The following REC114 variants were observed in gnomAD, a reference collection of about 807,000 sequenced individuals.
REC114 encodes REC114 meiotic recombination protein, also known as meiotic recombination protein REC114.
Under a neutral mutation model 31.3 loss-of-function variants are expected in REC114, and 27 were observed. That is an observed-to-expected ratio of 0.86 (90% confidence interval 0.64 to 1.19). The LOEUF is 1.19. Ranked by LOEUF, REC114 falls within the 50% of genes most tolerant of loss-of-function variation. The probability of loss-of-function intolerance (pLI) is 0.00; values close to 1 mark genes in which losing one functional copy is unlikely to be tolerated. For synonymous variants in REC114, 134 were observed against 127.7 expected, an observed-to-expected ratio of 1.05 and a Z score of -0.33; for missense variants, 344 against 326.9, an observed-to-expected ratio of 1.05 and a Z score of -0.40.
chr15:73,465,650 T>G (rs996367760), intron 1 of REC114, among the ~76,000 whole-genome samples: 1 of 152,206 alleles, frequency 6.6e-6, no homozygotes, highest in African/African-American at 2.4e-5. Flanking sequence ...GAATGAATAT[T>G]TTTTTAACAT....
intron 1 of REC114, among the ~76,000 whole-genome samples, chr15:73,460,610 A>G (rs1892977401): frequency 6.6e-6 from 1 of 152,216 alleles, no homozygotes; most frequent in Non-Finnish European, 1.5e-5. Flanking sequence ...CTATGAAGAT[A>G]CCAAAGGTGA....
At chr15:73,536,272 G>C (rs917875855) in intron 2 of REC114, among the ~76,000 whole-genome samples, 1 of 152,172 alleles carries the variant, frequency 6.6e-6, no homozygotes, top group African/African-American at 2.4e-5. Context: ...ACTTTCCTGG[G>C]TTATGACAGA....
intron 2 of REC114, among the ~76,000 whole-genome samples, chr15:73,495,603 A>G (rs75703363): frequency 0.027 from 4,136 of 151,814 alleles, 80 homozygotes; most frequent in Non-Finnish European, 0.043. Flanking sequence ...ATCAAATTAC[A>G]GGCATAAGAA....
At chr15:73,517,674 G>A (rs1326052701) in intron 2 of REC114, among the ~76,000 whole-genome samples, 1 of 152,178 alleles carries the variant, frequency 6.6e-6, no homozygotes, top group Admixed American at 6.5e-5. Flanking sequence ...CAGACAGTTT[G>A]AATTGGAGGT....
intron 2 of REC114, among the ~76,000 whole-genome samples, chr15:73,488,458 A>G (rs1431470466): frequency 2.6e-5 from 4 of 152,126 alleles, no homozygotes; most frequent in Admixed American, 2.0e-4. Flanking sequence ...CTCTTCTTGC[A>G]GTTTATTATA....
chr15:73,453,445 T>C (rs955708681), intron 1 of REC114, among the ~76,000 whole-genome samples: 9 of 152,168 alleles, frequency 5.9e-5, no homozygotes, highest in South Asian at 2.1e-4. Context: ...GTTAGAATGA[T>C]GATCATTAAA....
intron 2 of REC114, among the ~76,000 whole-genome samples, chr15:73,538,623 A>AT (rs1350372176): frequency 1.3e-5 from 2 of 151,538 alleles, no homozygotes; most frequent in South Asian, 2.1e-4. Context: ...CACCCAGCTA[A>AT]TTTTTTGTAT....
intron 2 of REC114, among the ~76,000 whole-genome samples, chr15:73,508,034 G>C (rs988777685): frequency 6.6e-6 from 1 of 152,176 alleles, no homozygotes; most frequent in African/African-American, 2.4e-5. Context: ...TGTATTTGCT[G>C]TGTTGTGGCA....
chr15:73,474,649 T>C (rs1349144035), intron 2 of REC114, among the ~76,000 whole-genome samples: 1 of 152,222 alleles, frequency 6.6e-6, no homozygotes, highest in Non-Finnish European at 1.5e-5. Flanking sequence ...ATTGAGTAAT[T>C]GTATATGCTA....
rs182629955 is a variant in REC114 at position 73,524,741 on chromosome 15, G to T, written c.250-15744G>T. Among the ~76,000 whole-genome samples the T allele has an allele frequency of 4.9e-4, 75 of 152,176 alleles. 1 individual carries two copies. The East Asian group carries it at 0.014, about 28-fold the overall frequency. On this transcript the variant is annotated intron_variant, in intron 2 of 5. Coordinates refer to ENST00000331090, the MANE Select transcript of REC114 (RefSeq NM_001042367.2). ...GCCTCCTGAGTAGCTGGGACTACAGGCACCCACCACCATGCTAGGCTAATT... is the reference window on the plus strand; with the variant it reads ...GCCTCCTGAGTAGCTGGGACTACAGTCACCCACCACCATGCTAGGCTAATT...
intron 1 of REC114, 67 bp downstream of exon 1, chr15:73,443,411 A>G: frequency 6.8e-7 from 1 of 1,469,258 alleles, no homozygotes; most frequent in South Asian, 1.4e-5. Flanking sequence ...CTCCGCGAAT[A>G]CACTGGGCCA....
At chr15:73,526,256 T>C (rs1894005880) in intron 2 of REC114, among the ~76,000 whole-genome samples, 1 of 152,232 alleles carries the variant, frequency 6.6e-6, no homozygotes, top group African/African-American at 2.4e-5. Context: ...CTGATCTTGC[T>C]TTTAAAATCT....
Position 73,536,391 on chromosome 15 carries a change from C to T in REC114, c.250-4094C>T, listed in dbSNP as rs144956733. ...CTCCCTTGGTGATTTTGACACATTT[C>T]CCCCTCCTCTTGGACAGATTCTGTG... On this transcript the variant is annotated intron_variant, in intron 2 of 5. Transcript: ENST00000331090. Among the ~76,000 whole-genome samples the T allele has an allele frequency of 1.4e-3, 214 of 152,272 alleles. 7 individuals are homozygous for T. The East Asian group carries it at 0.037, about 26-fold the overall frequency.
chr15:73,452,920 G>A (rs1362858882), intron 1 of REC114, among the ~76,000 whole-genome samples: 1 of 152,178 alleles, frequency 6.6e-6, no homozygotes, highest in Non-Finnish European at 1.5e-5. Flanking sequence ...TGGGAAAACT[G>A]GCTAGCCATA....
chr15:73,525,281 G>C (rs1022963829), intron 2 of REC114, among the ~76,000 whole-genome samples: 7 of 151,834 alleles, frequency 4.6e-5, no homozygotes, highest in Non-Finnish European at 1.0e-4. Context: ...TTTTATTCTT[G>C]ATCAATCTAG....
intron 1 of REC114, among the ~76,000 whole-genome samples, chr15:73,469,716 C>T (rs991076593): frequency 1.3e-5 from 2 of 148,896 alleles, no homozygotes; most frequent in African/African-American, 5.0e-5. Flanking sequence ...ACTCCGTCTC[C>T]CTCCTTTGCC....
At chr15:73,501,266 T>G (rs1251383688) in intron 2 of REC114, among the ~76,000 whole-genome samples, 1 of 152,224 alleles carries the variant, frequency 6.6e-6, no homozygotes, top group Non-Finnish European at 1.5e-5. Flanking sequence ...GAAACAAGTT[T>G]TTATTACATG....
intron 3 of REC114, among the ~76,000 whole-genome samples, 179 bp from the exon 4 acceptor site, chr15:73,550,759 C>T (rs1431240760): frequency 6.6e-6 from 1 of 152,012 alleles, no homozygotes; most frequent in Non-Finnish European, 1.5e-5. Flanking sequence ...GAACAACTCC[C>T]AAAAGGGGGA....
At chr15:73,534,206 A>C (rs980977932) in intron 2 of REC114, among the ~76,000 whole-genome samples, 2 of 152,092 alleles carry the variant, frequency 1.3e-5, no homozygotes, top group African/African-American at 4.8e-5. Flanking sequence ...ACTGAAGGAA[A>C]TAGAGATACA....
Sources: allele counts gnomAD v4.1 joint callset (sites outside exome capture counted in the v4.1 genomes callset), GRCh38; gene constraint gnomAD v4.1.1; transcripts MANE v1.5; gene names NCBI Gene and HGNC (gene_info 2026-07-23, HGNC 2026-07-21).